The following TMEM131 variants were observed in gnomAD, a reference collection of about 807,000 sequenced individuals.
The protein encoded by TMEM131 is 2610524E03Rik.
In TMEM131, 66 loss-of-function variants were observed where a neutral mutation model predicts 211.6. That is an observed-to-expected ratio of 0.31 (90% CI 0.26 to 0.38). TMEM131 has a LOEUF of 0.38. Among genes scored for constraint, TMEM131 ranks in the 10% least tolerant of loss-of-function variants. The pLI, the probability that TMEM131 is intolerant of heterozygous loss-of-function variation, is 1.00. For synonymous variants in TMEM131, 844 were observed against 841.3 expected, an observed-to-expected ratio of 1.00 and a Z score of -0.06; for missense variants, 2,036 against 2,299.3, an observed-to-expected ratio of 0.89 and a Z score of 2.34.
At chr2:97,995,077 T>A (rs772437133) in intron 1 of TMEM131, among the ~76,000 whole-genome samples, 71 of 152,216 alleles carry the variant, frequency 4.7e-4, no homozygotes, top group Non-Finnish European at 1.0e-4. Context: ...TTTTAAGCTG[T>A]GTCTCGCTAT....
In TMEM131 at chr2:97,844,207, C is replaced by T; in HGVS notation, c.538G>A (p.Val180Ile). The change falls in exon 6 of 41, where the codon GTA becomes ATA. Residue 180 changes from valine to isoleucine, a missense_variant. Transcript: ENST00000186436. ...SFDVVFLARV[V>I]GNVENTLFIN... ...AATAAAGTATTTTCTACATTTCCTA[C>T]TACTCTTGCAAGAAAAACTACATCA... is the stretch of plus-strand genomic sequence containing the variant. 1 of 1,335,082 alleles carries T rather than the reference C, an allele frequency of 7.5e-7. No homozygotes were observed. The allele number at this position is 1,335,082 out of a possible 1,614,324, so 82.7% of individuals were successfully genotyped here.
intron 5 of TMEM131, among the ~76,000 whole-genome samples, chr2:97,850,393 C>T (rs1673568960): frequency 6.6e-6 from 1 of 152,010 alleles, no homozygotes; most frequent in African/African-American, 2.4e-5. Flanking sequence ...TATCAGTACT[C>T]ATAGAGGTGT....
chr2:97,821,752 G>A (rs2105009990), intron 11 of TMEM131, among the ~76,000 whole-genome samples: 1 of 152,294 alleles, frequency 6.6e-6, no homozygotes, highest in African/African-American at 2.4e-5. Flanking sequence ...CTAAATACCG[G>A]ACACCTGTCA....
intron 40 of TMEM131, among the ~76,000 whole-genome samples, chr2:97,758,363 T>C (rs1049513069): frequency 3.3e-5 from 5 of 152,278 alleles, no homozygotes; most frequent in African/African-American, 1.2e-4. Context: ...ATTATTTTCC[T>C]TGGCAAGAAT....
chr2:97,901,678 C>T (rs959086966), intron 3 of TMEM131, among the ~76,000 whole-genome samples: 1 of 152,066 alleles, frequency 6.6e-6, no homozygotes, highest in Non-Finnish European at 1.5e-5. Flanking sequence ...ACAGGCAAGG[C>T]ACTGAAAAGC....
chr2:97,760,733 G>A (rs997727086), intron 37 of TMEM131, 44 bp from the exon 38 acceptor site: 5 of 1,613,900 alleles, frequency 3.1e-6, no homozygotes, highest in Non-Finnish European at 4.2e-6. Flanking sequence ...CATTAGGACA[G>A]AGGTCATTCC....
intron 4 of TMEM131, among the ~76,000 whole-genome samples, chr2:97,884,252 T>C (rs1675049595): frequency 6.6e-6 from 1 of 152,208 alleles, no homozygotes; most frequent in Non-Finnish European, 1.5e-5. Flanking sequence ...TGTTATCGAT[T>C]TCTAGTTTTA....
chr2:97,919,579 T>A (rs1189586786), intron 2 of TMEM131, among the ~76,000 whole-genome samples: 1 of 152,226 alleles, frequency 6.6e-6, no homozygotes, highest in African/African-American at 2.4e-5. Flanking sequence ...CTTTGACTTT[T>A]CTTTTTTTGA....
intron 1 of TMEM131, among the ~76,000 whole-genome samples, chr2:97,981,434 T>C (rs1036584909): frequency 6.6e-6 from 1 of 152,242 alleles, no homozygotes; most frequent in African/African-American, 2.4e-5. Context: ...TGTATCTTTT[T>C]TGCATTCCAA....
At chr2:97,915,203 C>T (rs766337205) in intron 2 of TMEM131, among the ~76,000 whole-genome samples, 2 of 152,124 alleles carry the variant, frequency 1.3e-5, no homozygotes, top group South Asian at 2.1e-4. Context: ...TATTGAGTTT[C>T]GAGAGTTCTT....
chr2:97,947,193 A>G (rs1678084016), intron 1 of TMEM131, among the ~76,000 whole-genome samples: 2 of 152,028 alleles, frequency 1.3e-5, no homozygotes, highest in Non-Finnish European at 2.9e-5. Flanking sequence ...TTAACATCAT[A>G]GTGAAAGAAT....
rs989202165 is a variant in TMEM131, at chr2:97,772,359, C to T, written c.4386G>A (p.Val1462=). 19 of 1,601,902 alleles carry T rather than the reference C, an allele frequency of 1.2e-5. No homozygotes were observed. The highest frequency in any genetic ancestry group is 2.7e-5 in the African/African-American group (2 of 73,826). The part of the protein sequence containing the change: ...PEKHESEMSQ[V]KQKSKKLLNI... ...TTAAGAGTTTTTTGCTTTTTTGCTTCACTTGAGACATTTCACTTTCATGTT... is the reference window on the plus strand; with the variant it reads ...TTAAGAGTTTTTTGCTTTTTTGCTTTACTTGAGACATTTCACTTTCATGTT... Residue 1462 remains valine (V), a synonymous_variant, in exon 33 of 41, where the codon GTG becomes GTA. Coordinates refer to ENST00000186436, the MANE Select transcript of TMEM131 (RefSeq NM_015348.2).
At chr2:97,846,323 G>C (rs772158755) in intron 5 of TMEM131, among the ~76,000 whole-genome samples, 11 of 152,142 alleles carry the variant, frequency 7.2e-5, no homozygotes, top group Non-Finnish European at 1.6e-4. Context: ...ATCGAGGCAA[G>C]ATATAAAACG....
chr2:97,870,655 G>A (rs1014292539), intron 4 of TMEM131, among the ~76,000 whole-genome samples: 4 of 152,208 alleles, frequency 2.6e-5, no homozygotes, highest in African/African-American at 9.7e-5. Flanking sequence ...CTACACCACA[G>A]AAAGATGACA....
At chr2:97,807,152 TG>T (rs1396978738) in intron 19 of TMEM131, among the ~76,000 whole-genome samples, 1 of 152,212 alleles carries the variant, frequency 6.6e-6, no homozygotes, top group Admixed American at 6.5e-5. Context: ...ATAAAGAGAT[TG>T]ACAGGATTTG....
At chr2:97,827,241 C>T (rs564607781) in intron 11 of TMEM131, 11 of 770,528 alleles carry the variant, frequency 1.4e-5, no homozygotes, top group Non-Finnish European at 2.4e-5. Flanking sequence ...CCTTCCCCGC[C>T]GCCAGGATGC....
chr2:97,969,036 T>C (rs1679180428), intron 1 of TMEM131, among the ~76,000 whole-genome samples: 1 of 151,706 alleles, frequency 6.6e-6, no homozygotes, highest in Non-Finnish European at 1.5e-5. Flanking sequence ...TGAGCCATAA[T>C]TGTGCCACTC....
At chr2:97,880,923 T>C (rs578033076) in intron 4 of TMEM131, among the ~76,000 whole-genome samples, 1 of 152,236 alleles carries the variant, frequency 6.6e-6, no homozygotes, top group South Asian at 2.1e-4. Context: ...CACAAGGGTA[T>C]AGGCAGGGAA....
intron 5 of TMEM131, among the ~76,000 whole-genome samples, chr2:97,845,201 G>A (rs181825173): frequency 5.6e-4 from 85 of 151,996 alleles, no homozygotes; most frequent in African/African-American, 1.9e-3. Flanking sequence ...GCCTGAAATC[G>A]TAGAAAAGAC....
Sources: allele counts gnomAD v4.1 joint callset (sites outside exome capture counted in the v4.1 genomes callset), GRCh38; gene constraint gnomAD v4.1.1; transcripts MANE v1.5; gene names NCBI Gene and HGNC (gene_info 2026-07-23, HGNC 2026-07-21).